The following HIP1 variants were observed in gnomAD, a reference collection of about 807,000 sequenced individuals.
The protein encoded by HIP1 is huntingtin interacting protein 1.
A neutral mutation model predicts 147.6 loss-of-function variants in HIP1; 65 were observed. The ratio of observed to expected loss-of-function variants is 0.44; its 90% CI spans 0.36 to 0.54. HIP1 has a LOEUF of 0.54. Ranked by LOEUF, HIP1 falls within the 20% of genes least tolerant of loss-of-function variation. The probability of loss-of-function intolerance (pLI) is 0.00; values close to 1 mark genes in which losing one functional copy is unlikely to be tolerated. For synonymous variants in HIP1, 479 were observed against 504.0 expected, an observed-to-expected ratio of 0.95 and a Z score of 0.67; for missense variants, 1,061 against 1,299.6, an observed-to-expected ratio of 0.82 and a Z score of 2.82.
intron 1 of HIP1, among the ~76,000 whole-genome samples, chr7:75,705,632 G>C (rs538968341): frequency 6.6e-6 from 1 of 152,260 alleles, no homozygotes; most frequent in Non-Finnish European, 1.5e-5. Flanking sequence ...TGGGATTATA[G>C]ACGTGAGCCA....
intron 28 of HIP1, 24 bp downstream of exon 28, chr7:75,542,827 A>C: frequency 6.2e-7 from 1 of 1,613,240 alleles, no homozygotes; most frequent in Middle Eastern, 1.7e-4. Context: ...GTGGGTAAGA[A>C]AAGGGTCCCT....
rs60658791 is a variant in HIP1, at chr7:75,726,284, AT to A, written c.120+12516del. 3.7e-4 allele frequency among the ~76,000 whole-genome samples: 55 copies of A among 147,438 alleles called. 1 individual carries two copies. Among genetic ancestry groups the A allele is most frequent in the South Asian group, 8.5e-4 (4 of 4,698 alleles). Reference sequence around the variant, plus strand: ...ACAGTCCCACCTGCAGTGCCTGGGCATTTTTTTTTTTTTCTTTGAGACGGAG... The same window carrying A: ...ACAGTCCCACCTGCAGTGCCTGGGCATTTTTTTTTTTTCTTTGAGACGGAG... On this transcript the variant is annotated intron_variant, in intron 1 of 30. Coordinates refer to ENST00000336926, the MANE Select transcript of HIP1 (RefSeq NM_005338.7).
intron 9 of HIP1, among the ~76,000 whole-genome samples, chr7:75,563,676 T>A (rs1795310050): frequency 6.6e-6 from 1 of 152,234 alleles, no homozygotes; most frequent in Non-Finnish European, 1.5e-5. Context: ...GGTAGCTCTC[T>A]TCTTTCATTA....
chr7:75,731,870 T>C (rs1298991681), intron 1 of HIP1, among the ~76,000 whole-genome samples: 2 of 152,096 alleles, frequency 1.3e-5, no homozygotes, highest in African/African-American at 4.8e-5. Context: ...CCTGGGACTT[T>C]ACAAAATGTC....
chr7:75,598,472 T>C lies in HIP1; in HGVS notation c.184+712A>G, dbSNP rs115639158. ...GCTCAGAAAAGGAGATAACTATTGA[T>C]TATGCAACCCCCAGGGGAGTGGTCC... is the stretch of plus-strand genomic sequence containing the variant. On this transcript the variant is annotated intron_variant, in intron 2 of 30. Transcript: ENST00000336926. Among the ~76,000 whole-genome samples, 933 of 151,310 alleles carry C rather than the reference T, an allele frequency of 6.2e-3. 6 individuals are homozygous for C. Among genetic ancestry groups the C allele is most frequent in the African/African-American group, 0.02 (831 of 41,288 alleles).
intron 1 of HIP1, among the ~76,000 whole-genome samples, chr7:75,703,471 C>T (rs1800897480): frequency 6.6e-6 from 1 of 152,030 alleles, no homozygotes; most frequent in South Asian, 2.1e-4. Context: ...TGGAGAAACC[C>T]TATCTCTACT....
chr7:75,693,603 G>A (rs928667549), intron 1 of HIP1, among the ~76,000 whole-genome samples: 1 of 152,042 alleles, frequency 6.6e-6, no homozygotes, highest in Admixed American at 6.6e-5. Context: ...TGGCCAGCGC[G>A]GTTGCTCACA....
chr7:75,624,214 G>GGAT (rs1797952056), intron 1 of HIP1, among the ~76,000 whole-genome samples: 1 of 152,172 alleles, frequency 6.6e-6, no homozygotes. Flanking sequence ...AGGCGCTGAT[G>GGAT]GATACTCCCT....
intron 4 of HIP1, among the ~76,000 whole-genome samples, chr7:75,588,769 G>A (rs1015540312): frequency 2.6e-5 from 4 of 151,726 alleles, no homozygotes; most frequent in Non-Finnish European, 5.9e-5. Flanking sequence ...GTGAGACCCT[G>A]TCTCAAACAG....
intron 1 of HIP1, among the ~76,000 whole-genome samples, chr7:75,717,676 C>CAAAAAAAAAAAAAAAAA (rs55982331): frequency 8.5e-5 from 10 of 117,730 alleles, no homozygotes; most frequent in African/African-American, 1.0e-4. Context: ...ACTAAAAATA[C>CAAAAAAAAAAAAAAAAA]AAAAAAAAAA....
At chr7:75,724,894 A>G (rs1396977108) in intron 1 of HIP1, among the ~76,000 whole-genome samples, 5 of 152,178 alleles carry the variant, frequency 3.3e-5, no homozygotes, top group Admixed American at 6.6e-5. Flanking sequence ...ACGCTCCCCA[A>G]TTCTAGGGCA....
chr7:75,716,464 C>T (rs1325382504), intron 1 of HIP1, among the ~76,000 whole-genome samples: 2 of 151,510 alleles, frequency 1.3e-5, no homozygotes, highest in African/African-American at 4.9e-5. Flanking sequence ...CTCAGACAAT[C>T]CGCCGCCTCA....
At position 75,582,613 on chromosome 7, in the gene HIP1, G is replaced by A. The variant is rs111832676; in HGVS notation, c.466-462C>T. Among the ~76,000 whole-genome samples the A allele has an allele frequency of 6.7e-4, 102 of 152,094 alleles. 1 individual carries two copies. The highest frequency in any genetic ancestry group is 2.2e-3 in the African/African-American group (92 of 41,516). On this transcript the variant is annotated intron_variant, in intron 5 of 30. Coordinates refer to ENST00000336926, the MANE Select transcript of HIP1 (RefSeq NM_005338.7). Reference sequence around the variant, plus strand: ...TCACTTGGGGTCAGGAATTAGAGACGAGGCTGGCCAACATGGCAAAACCCT... The same window carrying A: ...TCACTTGGGGTCAGGAATTAGAGACAAGGCTGGCCAACATGGCAAAACCCT...
intron 1 of HIP1, among the ~76,000 whole-genome samples, chr7:75,686,843 C>CTTTTTT (rs55942242): frequency 1.9e-4 from 15 of 80,140 alleles, no homozygotes; most frequent in South Asian, 5.0e-4. Context: ...TATTTTAGTT[C>CTTTTTT]TTTTTTTTTT....
At chr7:75,591,590 A>G (rs782422539) in intron 4 of HIP1, among the ~76,000 whole-genome samples, 8 of 152,082 alleles carry the variant, frequency 5.3e-5, no homozygotes, top group Admixed American at 5.3e-4. Context: ...GGAGAAGAGA[A>G]GTAGGAACTG....
At chr7:75,648,569 C>T (rs553725110) in intron 1 of HIP1, among the ~76,000 whole-genome samples, 13 of 152,222 alleles carry the variant, frequency 8.5e-5, no homozygotes, top group African/African-American at 3.1e-4. Context: ...ATTTCAAGCA[C>T]GGCTGAGCCA....
At chr7:75,689,656 C>A (rs1225372052) in intron 1 of HIP1, among the ~76,000 whole-genome samples, 1 of 152,154 alleles carries the variant, frequency 6.6e-6, no homozygotes, top group Non-Finnish European at 1.5e-5. Flanking sequence ...GGACACGCTC[C>A]TTGGAGTACA....
At chr7:75,633,295 G>A (rs1179629) in intron 1 of HIP1, among the ~76,000 whole-genome samples, 3 of 151,772 alleles carry the variant, frequency 2.0e-5, no homozygotes, top group South Asian at 2.1e-4. Context: ...TATTTCACTC[G>A]TGTTTTTATT....
At chr7:75,708,301 GC>G (rs1801062711) in intron 1 of HIP1, among the ~76,000 whole-genome samples, 1 of 152,062 alleles carries the variant, frequency 6.6e-6, no homozygotes, top group Non-Finnish European at 1.5e-5. Flanking sequence ...TCTGTAGGTT[GC>G]CTTTTTTAAT....
Sources: gnomAD v4.1 joint callset for allele counts (sites outside exome capture counted in the v4.1 genomes callset) on GRCh38, gnomAD v4.1.1 for gene constraint, MANE v1.5 for transcripts, NCBI Gene and HGNC (gene_info 2026-07-23, HGNC 2026-07-21) for gene names.